GRM4: variants seen among roughly 807,000 people sequenced by gnomAD.
GRM4 encodes the protein metabotropic glutamate receptor 4.
A neutral mutation model predicts 81.7 loss-of-function variants in GRM4; 28 were observed. The observed-to-expected ratio is 0.34, with a 90% CI of 0.25 to 0.47. The LOEUF is 0.47. Among genes scored for constraint, GRM4 ranks in the 20% least tolerant of loss-of-function variants. The probability of loss-of-function intolerance (pLI) is 1.00; values close to 1 mark genes in which losing one functional copy is unlikely to be tolerated. For missense variants in GRM4, 948 were observed against 1,290.0 expected, an observed-to-expected ratio of 0.73 and a Z score of 4.06; for synonymous variants, 488 against 528.8, an observed-to-expected ratio of 0.92 and a Z score of 1.06.
In GRM4 at chr6:34,074,786, G is replaced by T. The variant is rs1429389981; in HGVS notation, c.737-12758C>A. Among the ~76,000 whole-genome samples the T allele has an allele frequency of 6.6e-6, 1 of 152,230 alleles. No homozygotes were observed. The highest frequency in any genetic ancestry group is 2.4e-5 in the African/African-American group (1 of 41,454). On this transcript the variant is annotated intron_variant, in intron 3 of 10. Coordinates refer to ENST00000538487, the MANE Select transcript of GRM4 (RefSeq NM_000841.4). The surrounding 1 kb of genome is among the most constrained non-coding windows in gnomAD (Gnocchi z 4.9). ...AATAATAGAAAAGGGAAGCCGTGGT[G>T]TTTGGAGGCAGATGGTGGCAGGAGG...
chr6:34,087,708 C>CA (rs1371268157), intron 3 of GRM4, among the ~76,000 whole-genome samples: 2,000 of 137,912 alleles, frequency 0.015, 36 homozygotes, highest in Middle Eastern at 0.035. Context: ...AACCCCCCCC[C>CA]CACACACACA....
intron 9 of GRM4, among the ~76,000 whole-genome samples, chr6:34,031,542 C>G (rs112912093): frequency 0.014 from 2,189 of 152,264 alleles, 18 homozygotes; most frequent in East Asian, 0.024. Context: ...GTGCTTCTGC[C>G]GGCTGACCCT....
chr6:34,091,946 C>A lies in GRM4; in HGVS notation c.673G>T (p.Ala225Ser), dbSNP rs1768246886. 3 of 1,614,180 alleles carry A rather than the reference C, an allele frequency of 1.9e-6. No individual in the cohort carries two copies. The African/African-American group carries it at 4.0e-5, about 22-fold the overall frequency. Residue 225 changes from alanine (A) to serine (S), a missense_variant, in exon 3 of 11, where the codon GCC (alanine) becomes TCC (serine). Ala to Ser is a moderately conservative substitution (Grantham distance 99, BLOSUM62 1). Coordinates refer to ENST00000538487, the MANE Select transcript of GRM4 (RefSeq NM_000841.4). ...ALKWNYVSTV[A>S]SEGSYGESGV... Reference sequence around the variant, plus strand: ...CTCTCACCATAGCTGCCCTCCGAGGCCACTGTGGACACATAGTTCCACTTG... The same window carrying A: ...CTCTCACCATAGCTGCCCTCCGAGGACACTGTGGACACATAGTTCCACTTG...
chr6:34,040,566 G>A lies in GRM4; in HGVS notation c.1351C>T (p.Arg451Ter), dbSNP rs766156864. Reference protein sequence around the residue: ...VDGTQLLKYIRNVNFSGIAGN... With the variant: ...VDGTQLLKYI ...CCCCCACCTGAGAAGTTGACGTTTCGGATGTACTTAAGCAGCTGGGTGCCA... is the reference window on the plus strand; with the variant it reads ...CCCCCACCTGAGAAGTTGACGTTTCAGATGTACTTAAGCAGCTGGGTGCCA... The change falls in exon 7 of 11, where the codon CGA (arginine) becomes TGA (stop). Residue 451 changes from arginine (R) to a stop codon, truncating the protein, a stop_gained. Coordinates refer to ENST00000538487, the MANE Select transcript of GRM4 (RefSeq NM_000841.4). LOFTEE classifies it high-confidence loss of function. The A allele has an allele frequency of 1.9e-6, 3 of 1,613,360 alleles. No individual in the cohort carries two copies. Among genetic ancestry groups the A allele is most frequent in the East Asian group, 2.2e-5 (1 of 44,852 alleles).
chr6:34,150,467 G>C (rs1163758720), upstream of GRM4, among the ~76,000 whole-genome samples: 5 of 152,128 alleles, frequency 3.3e-5, no homozygotes, highest in Non-Finnish European at 7.4e-5. Context: ...AGCTGGGAAG[G>C]AGGGGATGCT....
rs1763817787 is a variant in GRM4, at chr6:34,020,103, C to T, written c.*2718G>A. The T allele has an allele frequency of 6.6e-6, 1 of 152,568 alleles. No individual in the cohort carries two copies. The highest frequency in any genetic ancestry group is 1.5e-5 in the Non-Finnish European group (1 of 68,240). The allele number at this position is 152,568 out of a possible 1,614,324, so 9.5% of individuals were successfully genotyped here. ...AGTCACACCCACCCAAGGCTTCCCT[C>T]CTCCACCCACCTCATTCTAACAGTC... On this transcript the variant is annotated 3_prime_UTR_variant, in exon 11 of 11. Coordinates refer to ENST00000538487, the MANE Select transcript of GRM4 (RefSeq NM_000841.4).
Position 34,040,703 on chromosome 6 carries a change from T to C in GRM4, c.1214A>G (p.Lys405Arg). The change falls in exon 7 of 11, where the codon AAG becomes AGG. Residue 405 changes from lysine to arginine, a missense_variant. Physicochemically the swap from Lys to Arg is conservative, Grantham distance 26. Coordinates refer to ENST00000538487, the MANE Select transcript of GRM4 (RefSeq NM_000841.4). ...CACGGCATCGATCACAAACTGCACCTTCCCCTCCTGCTCATAAGCTGAATC... is the reference window on the plus strand; with the variant it reads ...CACGGCATCGATCACAAACTGCACCCTCCCCTCCTGCTCATAAGCTGAATC... ...GQDSAYEQEG[K>R]VQFVIDAVYA... is the part of the protein sequence containing the mutation. 1 of 1,614,008 alleles carries C rather than the reference T, an allele frequency of 6.2e-7. No individual in the cohort carries two copies. Among genetic ancestry groups the C allele is most frequent in the Non-Finnish European group, 8.5e-7 (1 of 1,179,854 alleles).
At chr6:34,109,531 T>C (rs1769281193) in intron 2 of GRM4, among the ~76,000 whole-genome samples, 1 of 151,992 alleles carries the variant, frequency 6.6e-6, no homozygotes, top group Non-Finnish European at 1.5e-5. Flanking sequence ...ATCTGCAGAG[T>C]ACATTCAAAG....
chr6:34,150,635 C>T (rs149151539), upstream of GRM4, among the ~76,000 whole-genome samples: 144 of 152,266 alleles, frequency 9.5e-4, 1 homozygote, highest in East Asian at 0.015. Context: ...TCAGTTTCCC[C>T]GCCTATAGGG....
chr6:34,056,497 C>A, intron 6 of GRM4, 47 bp downstream of exon 6: 1 of 1,554,050 alleles, frequency 6.4e-7, no homozygotes, highest in Non-Finnish European at 8.8e-7. Flanking sequence ...CGGCCCTCCC[C>A]GGCTCCTCCT....
chr6:34,028,193 C>A lies in GRM4; in HGVS notation c.2616G>T (p.Lys872Asn). The A allele has an allele frequency of 6.2e-7, 1 of 1,614,062 alleles. No individual in the cohort carries two copies. The highest frequency in any genetic ancestry group is 8.5e-7 in the Non-Finnish European group (1 of 1,180,034). Residue 872 changes from lysine (K) to asparagine (N), a missense_variant, in exon 10 of 11, where the codon AAG (lysine) becomes AAT (asparagine). Lys to Asn is a moderately conservative substitution (Grantham distance 94). Transcript: ENST00000538487. ...AVVTAATMSN[K>N]FTQKGNFRPN... The stretch of plus-strand genomic sequence containing the variant: ...GCCGGAAGTTGCCCTTCTGCGTGAA[C>A]TTGTTGGACATGGTGGCCGCCGTAA...
intron 8 of GRM4, among the ~76,000 whole-genome samples, chr6:34,039,318 A>T (rs888558550): frequency 6.6e-6 from 1 of 152,068 alleles, no homozygotes; most frequent in African/African-American, 2.4e-5. Context: ...GCTGGAAGAG[A>T]TTATGACAAG....
chr6:34,069,067 A>C lies in GRM4; in HGVS notation c.737-7039T>G, dbSNP rs1766639504. Among the ~76,000 whole-genome samples, 1 of 152,018 alleles carries C rather than the reference A, an allele frequency of 6.6e-6. No individual in the cohort carries two copies. Among genetic ancestry groups the C allele is most frequent in the South Asian group, 2.1e-4 (1 of 4,828 alleles). On this transcript the variant is annotated intron_variant, in intron 3 of 10. Coordinates refer to ENST00000538487, the MANE Select transcript of GRM4 (RefSeq NM_000841.4). This position sits in a 1 kb window ranked among gnomAD's most constrained non-coding sequence, Gnocchi z 6.4. ...TGGGGTAGGGGGTGGGGAGTTACAC[A>C]CAGGGACAGGGGCAGGAGAGCAGGT...
At position 34,114,476 on chromosome 6, in the gene GRM4, C is replaced by T. The variant is rs753895312; in HGVS notation, c.519+18502G>A. Among the ~76,000 whole-genome samples, 1 of 152,112 alleles carries T rather than the reference C, an allele frequency of 6.6e-6. No homozygotes were observed. Among genetic ancestry groups the T allele is most frequent in the Non-Finnish European group, 1.5e-5 (1 of 68,030 alleles). The stretch of plus-strand genomic sequence containing the variant: ...CTGCAACCAACCCTCCAGTCCACAC[C>T]CAAAGGAATACTTTTAACTCCCAAA... On this transcript the variant is annotated intron_variant, in intron 2 of 10. Coordinates refer to ENST00000538487, the MANE Select transcript of GRM4 (RefSeq NM_000841.4). The surrounding 1 kb of genome is among the most constrained non-coding windows in gnomAD (Gnocchi z 4.3).
chr6:34,077,706 G>C (rs1434411437), intron 3 of GRM4, among the ~76,000 whole-genome samples: 1 of 151,826 alleles, frequency 6.6e-6, no homozygotes, highest in Non-Finnish European at 1.5e-5. Flanking sequence ...CCTTTAGTCA[G>C]ACTCTTTGCT....
chr6:34,100,059 C>T (rs139736485), intron 2 of GRM4: 1 of 984,090 alleles, frequency 1.0e-6, no homozygotes, highest in African/African-American at 1.7e-5. Flanking sequence ...GACCAGCTGC[C>T]TACTCCTGCC....
At chr6:34,038,583 G>T (rs1324346527) in intron 8 of GRM4, among the ~76,000 whole-genome samples, 2 of 152,182 alleles carry the variant, frequency 1.3e-5, no homozygotes, top group South Asian at 4.1e-4. Flanking sequence ...GTGGTTACAG[G>T]TACCTTGCTT....
chr6:34,031,188 C>A (rs1032980576), intron 9 of GRM4, among the ~76,000 whole-genome samples: 3 of 152,194 alleles, frequency 2.0e-5, no homozygotes, highest in African/African-American at 7.2e-5. Context: ...CGAGAGGCGG[C>A]CTTCGGGCTA....
chr6:34,059,406 G>T lies in GRM4; in HGVS notation c.873-278C>A. On this transcript the variant is annotated intron_variant, in intron 4 of 10. Coordinates refer to ENST00000538487, the MANE Select transcript of GRM4 (RefSeq NM_000841.4). This position sits in a 1 kb window ranked among gnomAD's most constrained non-coding sequence, Gnocchi z 5.7. ...ATTCTCCAGGCCTACATCTGTCCCT[G>T]CAAAGACCACACCTCTCCCCTCCAG... 1 of 471,920 alleles carries T rather than the reference G, an allele frequency of 2.1e-6. No individual in the cohort carries two copies. Among genetic ancestry groups the T allele is most frequent in the South Asian group, 2.4e-5 (1 of 41,344 alleles). 29.2% of individuals were successfully genotyped at this position (471,920 alleles called of 1,614,324 possible).
Sources: gnomAD v4.1 joint callset for allele counts (sites outside exome capture counted in the v4.1 genomes callset) on GRCh38, gnomAD v4.1.1 for gene constraint, Gnocchi (gnomAD v3.1) non-coding constraint, MANE v1.5 for transcripts, NCBI Gene and HGNC (gene_info 2026-07-23, HGNC 2026-07-21) for gene names.